The following TCF12 variants were observed in gnomAD, a reference collection of about 807,000 sequenced individuals.
TCF12 encodes the protein transcription factor 12.
A neutral mutation model predicts 86.0 loss-of-function variants in TCF12; 45 were observed. The observed-to-expected ratio is 0.52, with a 90% CI of 0.41 to 0.67. TCF12 has a LOEUF of 0.67. TCF12 is among the 30% of genes least tolerant of loss of function. The pLI is 0.00. For missense variants in TCF12, 881 were observed against 859.9 expected (o/e 1.02, Z -0.31); for synonymous variants, 330 against 299.6 (o/e 1.10, Z -1.05).
intron 19 of TCF12, among the ~76,000 whole-genome samples, chr15:57,279,050 A>C (rs1270194906): frequency 6.9e-6 from 1 of 144,916 alleles, no homozygotes; most frequent in Non-Finnish European, 1.5e-5. Flanking sequence ...GTTGGAGTGC[A>C]GTGGCACAAT....
At position 57,253,552 on chromosome 15, in the gene TCF12, C is replaced by T. The variant is rs1017309174; in HGVS notation, c.1467+84C>T. On this transcript the variant is annotated intron_variant, in intron 16 of 20. Coordinates refer to ENST00000333725, the MANE Select transcript of TCF12 (RefSeq NM_207037.2). The stretch of plus-strand genomic sequence containing the variant: ...TTAATGAAATCTTTGGGAAGAGGAT[C>T]TTTCTGAAAGGAAGGCAAAGACTGA... 4.0e-6 allele frequency: 6 copies of T among 1,502,902 alleles called. No homozygotes were observed. In the South Asian group the frequency reaches 7.2e-5, roughly 18 times the overall value. 93.1% of individuals were successfully genotyped at this position (1,502,902 alleles called of 1,614,324 possible).
At chr15:57,198,724 G>A (rs1335982849) in intron 8 of TCF12, among the ~76,000 whole-genome samples, 2 of 149,156 alleles carry the variant, frequency 1.3e-5, no homozygotes, top group African/African-American at 4.9e-5. Context: ...ACATCTTTTT[G>A]TTGTGTAAAT....
chr15:57,264,555 C>G (rs1015931068), intron 18 of TCF12, among the ~76,000 whole-genome samples: 11 of 151,884 alleles, frequency 7.2e-5, no homozygotes, highest in South Asian at 2.1e-4. Flanking sequence ...TGTTTGTTTA[C>G]TTTTCAAACT....
intron 3 of TCF12, among the ~76,000 whole-genome samples, chr15:56,923,451 AT>A (rs1301080730): frequency 1.3e-5 from 2 of 152,072 alleles, no homozygotes; most frequent in African/African-American, 4.8e-5. Context: ...GGGTGTTAAA[AT>A]TTTCTTCACG....
At chr15:56,919,683 G>A (rs1364496499) in intron 1 of TCF12, 1 of 392,362 alleles carries the variant, frequency 2.5e-6, no homozygotes, top group African/African-American at 2.1e-5. Context: ...ATCTCGGGCC[G>A]CGGCGAGGAA....
chr15:57,283,615 A>C (rs1406134651), intron 20 of TCF12, among the ~76,000 whole-genome samples: 2 of 152,098 alleles, frequency 1.3e-5, no homozygotes, highest in African/African-American at 4.8e-5. Flanking sequence ...TTTTTTTCCC[A>C]ATTTTATCAA....
chr15:56,952,042 T>G (rs762127417), intron 3 of TCF12, among the ~76,000 whole-genome samples: 2 of 152,212 alleles, frequency 1.3e-5, no homozygotes, highest in African/African-American at 2.4e-5. Context: ...GGATTGAAGT[T>G]TTTTTGTGTG....
intron 5 of TCF12, among the ~76,000 whole-genome samples, chr15:57,117,137 G>A (rs1268365448): frequency 1.3e-5 from 2 of 151,652 alleles, no homozygotes; most frequent in Admixed American, 6.6e-5. Context: ...TTTGAGACAG[G>A]GTTTTGCTCT....
At chr15:56,965,276 A>T (rs1421595718) in intron 3 of TCF12, among the ~76,000 whole-genome samples, 2 of 152,186 alleles carry the variant, frequency 1.3e-5, no homozygotes, top group Non-Finnish European at 2.9e-5. Context: ...ATTGGTAAAA[A>T]TGGCAAGGAA....
In TCF12 at chr15:56,950,745, G is replaced by GCTTTTTTTTTTTTTTTTTTTTTT. The variant is rs1555455322; in HGVS notation, c.148+29647_148+29648insCTTTTTTTTTTTTTTTTTTTTTT. Among the ~76,000 whole-genome samples, 41 of 85,922 alleles carry GCTTTTTTTTTTTTTTTTTTTTTT rather than the reference G, an allele frequency of 4.8e-4. 20 individuals carry two copies. Among genetic ancestry groups the GCTTTTTTTTTTTTTTTTTTTTTT allele is most frequent in the African/African-American group, 5.2e-4 (10 of 19,174 alleles). 56.4% of individuals were successfully genotyped at this position (85,922 alleles called of 152,430 possible). ...TTACAAATAAAGCTATTATGACCATGTTTTTTTTTTTTTTTTTTTTTTTTT... is the reference window on the plus strand; with the variant it reads ...TTACAAATAAAGCTATTATGACCATGCTTTTTTTTTTTTTTTTTTTTTTTTTTTTTTTTTTTTTTTTTTTTTTT... On this transcript the variant is annotated intron_variant, in intron 3 of 20. Coordinates refer to ENST00000333725, the MANE Select transcript of TCF12 (RefSeq NM_207037.2).
chr15:57,153,752 G>A (rs973241114), intron 5 of TCF12, among the ~76,000 whole-genome samples: 2 of 152,240 alleles, frequency 1.3e-5, no homozygotes, highest in Non-Finnish European at 1.5e-5. Context: ...TGAGAGCTGG[G>A]CATAGTGGCT....
intron 3 of TCF12, among the ~76,000 whole-genome samples, chr15:57,030,765 CATATTCAT>C (rs1348809084): frequency 1.3e-5 from 2 of 152,090 alleles, no homozygotes; most frequent in Admixed American, 1.3e-4. Context: ...ATCTTAATTG[CATATTCAT>C]ATATAAGATT....
intron 5 of TCF12, among the ~76,000 whole-genome samples, chr15:57,127,895 A>G (rs1189551438): frequency 6.6e-6 from 1 of 152,200 alleles, no homozygotes; most frequent in African/African-American, 2.4e-5. Flanking sequence ...TTGTTTTAAC[A>G]TTTAAATACT....
chr15:57,178,725 A>G (rs2056131131), intron 6 of TCF12, among the ~76,000 whole-genome samples: 1 of 152,200 alleles, frequency 6.6e-6, no homozygotes, highest in Non-Finnish European at 1.5e-5. Context: ...GCATTCAGAA[A>G]AACTACTCAC....
chr15:57,174,632 A>G (rs1406151017), intron 6 of TCF12, among the ~76,000 whole-genome samples: 6 of 152,248 alleles, frequency 3.9e-5, no homozygotes, highest in Non-Finnish European at 8.8e-5. Flanking sequence ...GGAAATCCTA[A>G]GGAATCATCA....
chr15:57,219,481 T>G, intron 8 of TCF12: 1 of 1,600,694 alleles, frequency 6.2e-7, no homozygotes, highest in Non-Finnish European at 8.5e-7. Context: ...GGAGAGAGGC[T>G]GTGTGCATTA....
At chr15:57,210,127 C>T (rs1041732682) in intron 8 of TCF12, among the ~76,000 whole-genome samples, 2 of 151,798 alleles carry the variant, frequency 1.3e-5, no homozygotes, top group African/African-American at 4.8e-5. Flanking sequence ...TCTGTGTTAC[C>T]CAGGAGCAAC....
intron 13 of TCF12, among the ~76,000 whole-genome samples, chr15:57,250,979 A>G (rs1438946822): frequency 6.6e-6 from 1 of 152,142 alleles, no homozygotes; most frequent in Non-Finnish European, 1.5e-5. Flanking sequence ...AGTCATTAAT[A>G]GTATTATCAA....
chr15:57,280,729 G>A (rs1387081294), intron 19 of TCF12, among the ~76,000 whole-genome samples: 6 of 151,976 alleles, frequency 3.9e-5, no homozygotes, highest in African/African-American at 1.5e-4. Context: ...GGGTGGGGTG[G>A]GGACATGGAA....
Sources: gnomAD v4.1 joint callset for allele counts (sites outside exome capture counted in the v4.1 genomes callset) on GRCh38, gnomAD v4.1.1 for gene constraint, MANE v1.5 for transcripts, NCBI Gene and HGNC (gene_info 2026-07-23, HGNC 2026-07-21) for gene names.